Variants in CCNY observed in about 807,000 individuals in gnomAD.
The protein encoded by CCNY is cyclin Y.
CCNY carries 19 observed loss-of-function variants against 42.8 expected under a neutral mutation model. The ratio of observed to expected loss-of-function variants is 0.44; its 90% CI spans 0.31 to 0.65. The LOEUF is 0.65. Ranked by LOEUF, CCNY falls within the 30% of genes least tolerant of loss-of-function variation. The pLI, the probability that CCNY is intolerant of heterozygous loss-of-function variation, is 0.07. For synonymous variants in CCNY, 165 were observed against 162.7 expected, an observed-to-expected ratio of 1.01 and a Z score of -0.11; for missense variants, 370 against 437.3, an observed-to-expected ratio of 0.85 and a Z score of 1.37.
chr10:35,327,232 T>C (rs575775507), intron 3 of CCNY, among the ~76,000 whole-genome samples: 1 of 152,192 alleles, frequency 6.6e-6, no homozygotes, highest in Non-Finnish European at 1.5e-5. Context: ...ACAGTGAATA[T>C]CCCTAAAAAC....
Position 35,569,890 on chromosome 10 carries a change from T to C in CCNY, c.*720T>C, listed in dbSNP as rs768301518. 1 of 152,796 alleles carries C rather than the reference T, an allele frequency of 6.5e-6. No homozygotes were observed. The highest frequency in any genetic ancestry group is 1.5e-5 in the Non-Finnish European group (1 of 68,062). 9.5% of individuals were successfully genotyped at this position (152,796 alleles called of 1,614,324 possible). A position where few individuals can be genotyped will look rare whatever the true frequency, so the allele number is the denominator to read the frequency against. ...CCAAAAGTATCCCTTTCCCTCCTTA[T>C]TCCTCACCCCAAGAACATTCTAGAT... On this transcript the variant is annotated 3_prime_UTR_variant, in exon 10 of 10. Transcript: ENST00000374704.
intron 1 of CCNY, among the ~76,000 whole-genome samples, chr10:35,392,496 C>T (rs1205962324): frequency 6.6e-6 from 1 of 152,194 alleles, no homozygotes; most frequent in Non-Finnish European, 1.5e-5. Flanking sequence ...AGGTCCAGTC[C>T]TGCTGGGGTA....
At chr10:35,451,227 C>T (rs1174041987) in intron 1 of CCNY, among the ~76,000 whole-genome samples, 2 of 152,136 alleles carry the variant, frequency 1.3e-5, no homozygotes. Context: ...CCCACTTCTT[C>T]CCCCTTTTTT....
At chr10:35,374,812 A>G (rs1837014779) in intron 1 of CCNY, among the ~76,000 whole-genome samples, 1 of 152,232 alleles carries the variant, frequency 6.6e-6, no homozygotes, top group African/African-American at 2.4e-5. Context: ...TGGAAAATGA[A>G]CTAATTGTCC....
Position 35,370,154 on chromosome 10 carries a change from GTTTTT to G in CCNY, c.154+32958_154+32962del, listed in dbSNP as rs1227067609. The stretch of plus-strand genomic sequence containing the variant: ...TAAATTGTTTGTTACACATATCCAT[GTTTTT>G]TTTTTTTTTTGAGACGGAGTCTCAC... On this transcript the variant is annotated intron_variant, in intron 1 of 9. Coordinates refer to ENST00000374704, the MANE Select transcript of CCNY (RefSeq NM_145012.6). Among the ~76,000 whole-genome samples the G allele has an allele frequency of 2.1e-5, 3 of 143,280 alleles. No individual in the cohort carries two copies. In the Admixed American group the frequency reaches 2.1e-4, roughly 10 times the overall value. The allele number at this position is 143,280 out of a possible 152,430, so 94.0% of individuals were successfully genotyped here.
chr10:35,386,741 G>A (rs1489335610), intron 1 of CCNY, among the ~76,000 whole-genome samples: 1 of 152,008 alleles, frequency 6.6e-6, no homozygotes, highest in Admixed American at 6.6e-5. Flanking sequence ...ACAGTATATT[G>A]TTACTTTTGT....
At chr10:35,272,012 T>A (rs895722901) in intron 3 of CCNY, among the ~76,000 whole-genome samples, 4 of 152,162 alleles carry the variant, frequency 2.6e-5, no homozygotes, top group Admixed American at 2.6e-4. Context: ...TCTGTTTTTT[T>A]AGACAGAGTC....
intron 1 of CCNY, among the ~76,000 whole-genome samples, chr10:35,439,957 G>A (rs1470829108): frequency 3.3e-5 from 5 of 152,062 alleles, no homozygotes; most frequent in African/African-American, 1.2e-4. Flanking sequence ...AGCAGTGTAG[G>A]GAGCTGGTTA....
chr10:35,367,435 T>C (rs1029899159), intron 1 of CCNY, among the ~76,000 whole-genome samples: 1 of 152,224 alleles, frequency 6.6e-6, no homozygotes, highest in Non-Finnish European at 1.5e-5. Context: ...GATAAAGTGC[T>C]TGGTACAAAG....
chr10:35,337,079 T>TGTC lies in CCNY; in HGVS notation c.30_32dup (p.Ser12dup). 1.3e-6 allele frequency: 2 copies of TGTC among 1,590,936 alleles called. No homozygotes were observed. Among genetic ancestry groups the TGTC allele is most frequent in the Non-Finnish European group, 1.7e-6 (2 of 1,170,638 alleles). On this transcript the variant is annotated inframe_insertion, in exon 1 of 10. Coordinates refer to ENST00000374704, the MANE Select transcript of CCNY (RefSeq NM_145012.6). ...ATGGGGAACACTACCTCGTGCTGCG[T>TGTC]GTCGTCCAGTCCCAAGCTCCGGAGG...
intron 3 of CCNY, among the ~76,000 whole-genome samples, chr10:35,279,886 C>T (rs1653575262): frequency 6.6e-6 from 1 of 152,230 alleles, no homozygotes; most frequent in African/African-American, 2.4e-5. Context: ...TCCTAACCCC[C>T]TGTTATGGCT....
chr10:35,345,911 A>T (rs776543282), intron 1 of CCNY, among the ~76,000 whole-genome samples: 1 of 152,138 alleles, frequency 6.6e-6, no homozygotes, highest in South Asian at 2.1e-4. Flanking sequence ...GAGCAGTGGG[A>T]TGAATATTTG....
intron 1 of CCNY, among the ~76,000 whole-genome samples, chr10:35,366,682 A>G (rs751735441): frequency 3.9e-5 from 6 of 152,088 alleles, no homozygotes; most frequent in Non-Finnish European, 5.9e-5. Flanking sequence ...CCCTCTTGGA[A>G]CTCACTCTTT....
chr10:35,342,797 T>A (rs1836211752), intron 1 of CCNY, among the ~76,000 whole-genome samples: 1 of 152,184 alleles, frequency 6.6e-6, no homozygotes, highest in East Asian at 1.9e-4. Context: ...AGTTTGTTAG[T>A]GGCAGCTGGG....
chr10:35,377,166 A>T lies in CCNY; in HGVS notation c.154+39959A>T, dbSNP rs72793893. ...GTATAATTACTTTTTAAAAAAATAT[A>T]TATTTAGTGTAGCCTAAGTGTACAG... On this transcript the variant is annotated intron_variant, in intron 1 of 9. Transcript: ENST00000374704. 2.9e-3 allele frequency among the ~76,000 whole-genome samples: 447 copies of T among 152,260 alleles called. 1 individual carries two copies. The highest frequency in any genetic ancestry group is 0.013 in the South Asian group (62 of 4,826).
chr10:35,497,952 A>T (rs546649582), intron 2 of CCNY, among the ~76,000 whole-genome samples: 2 of 152,096 alleles, frequency 1.3e-5, no homozygotes, highest in Non-Finnish European at 2.9e-5. Context: ...TGCATGGCAG[A>T]GGGACACCAC....
intron 3 of CCNY, among the ~76,000 whole-genome samples, chr10:35,254,456 G>A (rs1405056455): frequency 6.6e-6 from 1 of 152,124 alleles, no homozygotes; most frequent in Non-Finnish European, 1.5e-5. Flanking sequence ...AGAATAGTGT[G>A]ATGAATGCCT....
At chr10:35,385,214 T>C (rs1837277897) in intron 1 of CCNY, among the ~76,000 whole-genome samples, 1 of 152,236 alleles carries the variant, frequency 6.6e-6, no homozygotes, top group African/African-American at 2.4e-5. Context: ...ATCTCAAGTA[T>C]AGCAATATGT....
At position 35,535,916 on chromosome 10, in the gene CCNY, A is replaced by G. The variant is rs985823141; in HGVS notation, c.579+5673A>G. ...TTCCACAGATGCTGAGGGTCACTGC[A>G]CTTCATTTTGTTTACTCATTCATCA... On this transcript the variant is annotated intron_variant, in intron 7 of 9. Coordinates refer to ENST00000374704, the MANE Select transcript of CCNY (RefSeq NM_145012.6). 2.0e-5 allele frequency among the ~76,000 whole-genome samples: 3 copies of G among 152,292 alleles called. No individual in the cohort carries two copies. In the East Asian group the frequency reaches 5.8e-4, roughly 29 times the overall value.
Sources: gnomAD v4.1 joint callset for allele counts (sites outside exome capture counted in the v4.1 genomes callset) on GRCh38, gnomAD v4.1.1 for gene constraint, MANE v1.5 for transcripts, NCBI Gene and HGNC (gene_info 2026-07-23, HGNC 2026-07-21) for gene names.